SLC1A4: variants seen among roughly 807,000 people sequenced by gnomAD.
SLC1A4 encodes neutral amino acid transporter A.
SLC1A4 carries 19 observed loss-of-function variants against 37.7 expected under a neutral mutation model. The observed-to-expected ratio is 0.50, with a 90% CI of 0.35 to 0.74. The LOEUF is 0.74. SLC1A4 is among the 30% of genes least tolerant of loss of function. The pLI, the probability that SLC1A4 is intolerant of heterozygous loss-of-function variation, is 0.01. For synonymous variants in SLC1A4, 299 were observed against 309.8 expected (o/e 0.97, Z 0.37); for missense variants, 570 against 712.9 (o/e 0.80, Z 2.28).
At chr2:65,010,855 C>T (rs564329628) in intron 4 of SLC1A4, 92 bp downstream of exon 4, 1 of 1,288,726 alleles carries the variant, frequency 7.8e-7, no homozygotes, top group South Asian at 1.4e-5. Flanking sequence ...TGTGTGGGGC[C>T]ACCTGGCACA....
chr2:64,990,211 C>G (rs1047593923), intron 1 of SLC1A4, 41 bp downstream of exon 1: 2 of 1,503,906 alleles, frequency 1.3e-6, no homozygotes, highest in Non-Finnish European at 8.9e-7. Flanking sequence ...TGGGAGACGC[C>G]AGTTCTCGGA....
intron 4 of SLC1A4, among the ~76,000 whole-genome samples, chr2:65,012,062 C>T (rs940550714): frequency 6.6e-6 from 1 of 151,700 alleles, no homozygotes; most frequent in Non-Finnish European, 1.5e-5. Flanking sequence ...AGCCACTGCA[C>T]CCAGCCGCTT....
In SLC1A4 at chr2:65,018,786, C is replaced by T. The variant is rs1041145394; in HGVS notation, c.1364+107C>T. Reference sequence around the variant, plus strand: ...CAGAGAAACTTCAGACACACTCCAGCCTTGTGAAGGAGGCTACAGTGGAGC... The same window carrying T: ...CAGAGAAACTTCAGACACACTCCAGTCTTGTGAAGGAGGCTACAGTGGAGC... On this transcript the variant is annotated intron_variant, in intron 7 of 7. Coordinates refer to ENST00000234256, the MANE Select transcript of SLC1A4 (RefSeq NM_003038.5). The surrounding 1 kb of genome is among the most constrained non-coding windows in gnomAD (Gnocchi z 4.3). 2.0e-5 allele frequency: 27 copies of T among 1,335,106 alleles called. 1 individual carries two copies. In the East Asian group the frequency reaches 5.1e-4, roughly 25 times the overall value. 82.7% of individuals were successfully genotyped at this position (1,335,106 alleles called of 1,614,324 possible).
intron 1 of SLC1A4, chr2:65,000,389 ATGTAAC>A (rs1673413526): frequency 1.3e-5 from 2 of 152,246 alleles, no homozygotes; most frequent in African/African-American, 2.4e-5. Flanking sequence ...TATCAATATG[ATGTAAC>A]TGTAATATAC....
chr2:64,994,760 A>T (rs543743412), intron 1 of SLC1A4: 8 of 151,504 alleles, frequency 5.3e-5, no homozygotes, highest in Admixed American at 2.0e-4. Flanking sequence ...TTGCCTTGGC[A>T]GCACATATAC....
rs564833880 is a variant in SLC1A4, at chr2:64,998,029, T to C, written c.528-3419T>C. Among the ~76,000 whole-genome samples, 48 of 151,988 alleles carry C rather than the reference T, an allele frequency of 3.2e-4. No homozygotes were observed. In the East Asian group the frequency reaches 9.1e-3, roughly 29 times the overall value. Reference sequence around the variant, plus strand: ...GGGGCAGATCACGAGGTCAGGAGATTGAGATCATCCTGGCTAACATGGTGA... The same window carrying C: ...GGGGCAGATCACGAGGTCAGGAGATCGAGATCATCCTGGCTAACATGGTGA... On this transcript the variant is annotated intron_variant, in intron 1 of 7. Transcript: ENST00000234256.
At position 65,016,585 on chromosome 2, in the gene SLC1A4, ATTTAT is replaced by A; in HGVS notation, c.950_954del (p.Tyr317CysfsTer39). ...TCATGGAGGAATTGTTCTGCCACTTATTTATTTTGTTTTCACACGAAAAAACCCAT... is the reference window on the plus strand; with the variant it reads ...TCATGGAGGAATTGTTCTGCCACTTATTTGTTTTCACACGAAAAAACCCAT... On this transcript the variant is annotated frameshift_variant, in exon 5 of 8. Transcript: ENST00000234256. LOFTEE classifies it high-confidence loss of function. 1 of 1,614,064 alleles carries A rather than the reference ATTTAT, an allele frequency of 6.2e-7. No homozygotes were observed. Among genetic ancestry groups the A allele is most frequent in the Non-Finnish European group, 8.5e-7 (1 of 1,180,000 alleles).
At chr2:65,000,199 T>C (rs932283262) in intron 1 of SLC1A4, 4 of 152,228 alleles carry the variant, frequency 2.6e-5, no homozygotes, top group African/African-American at 9.6e-5. Context: ...TCAGCTGGAA[T>C]AGAATTTCTT....
intron 1 of SLC1A4, chr2:64,999,660 T>C (rs1471212120): frequency 6.6e-6 from 1 of 152,072 alleles, no homozygotes; most frequent in Admixed American, 6.6e-5. Context: ...GATTCACCTC[T>C]GAGGTCATGT....
rs1349802565 is a variant in SLC1A4, at chr2:65,023,163, T to C, written c.*2017T>C. ...ACTTTTCCCCGCTGGGTAGAGCATG[T>C]TGCTGATACTCTTCTGTTTTCAAGG... is the stretch of plus-strand genomic sequence containing the variant. On this transcript the variant is annotated 3_prime_UTR_variant, in exon 8 of 8. Coordinates refer to ENST00000234256, the MANE Select transcript of SLC1A4 (RefSeq NM_003038.5). The C allele has an allele frequency of 6.6e-6, 1 of 152,238 alleles. No homozygotes were observed. The highest frequency in any genetic ancestry group is 2.4e-5 in the African/African-American group (1 of 41,452). The allele number at this position is 152,238 out of a possible 1,614,324, so 9.4% of individuals were successfully genotyped here.
chr2:65,007,385 A>G (rs1217812880), intron 3 of SLC1A4, among the ~76,000 whole-genome samples: 2 of 152,066 alleles, frequency 1.3e-5, no homozygotes, highest in Admixed American at 6.5e-5. Context: ...AAAGTGATGT[A>G]GGCAGCAGGA....
intron 1 of SLC1A4, among the ~76,000 whole-genome samples, chr2:64,999,144 C>T (rs1673371555): frequency 6.6e-6 from 1 of 152,210 alleles, no homozygotes; most frequent in Admixed American, 6.5e-5. Flanking sequence ...TTCATCTATA[C>T]TCCGAAAACT....
At chr2:65,016,797 C>A in intron 5 of SLC1A4, 124 bp downstream of exon 5, 1 of 685,270 alleles carries the variant, frequency 1.5e-6, no homozygotes. Flanking sequence ...CTAAATCGGT[C>A]TTCTGTTATT....
intron 1 of SLC1A4, among the ~76,000 whole-genome samples, chr2:64,996,285 T>C (rs192100490): frequency 3.3e-5 from 5 of 152,250 alleles, no homozygotes; most frequent in Admixed American, 1.3e-4. Context: ...CTAATGTATT[T>C]CATCTTTTAT....
At position 65,006,701 on chromosome 2, in the gene SLC1A4, G is replaced by A. The variant is rs551367337; in HGVS notation, c.633+2686G>A. 7.2e-5 allele frequency among the ~76,000 whole-genome samples: 11 copies of A among 152,114 alleles called. No homozygotes were observed. In the South Asian group the frequency reaches 2.3e-3, roughly 32 times the overall value. ...CGCTTGTAATCTCAATGACTCAGAA[G>A]GCTGAGGTGGGAGGATTGCTTGAAG... On this transcript the variant is annotated intron_variant, in intron 3 of 7. Coordinates refer to ENST00000234256, the MANE Select transcript of SLC1A4 (RefSeq NM_003038.5).
At chr2:65,002,087 C>G (rs922798514) in intron 2 of SLC1A4, among the ~76,000 whole-genome samples, 1 of 152,114 alleles carries the variant, frequency 6.6e-6, no homozygotes. Context: ...CAAGACCAGC[C>G]TGGCCAACAC....
chr2:64,993,425 TGG>T (rs1278611563), intron 1 of SLC1A4, among the ~76,000 whole-genome samples: 4 of 152,198 alleles, frequency 2.6e-5, no homozygotes, highest in African/African-American at 9.7e-5. Flanking sequence ...CAGCACACAA[TGG>T]GTTAGAAATA....
intron 5 of SLC1A4, 147 bp from the exon 6 acceptor site, chr2:65,017,924 G>C (rs1674220847): frequency 3.1e-6 from 2 of 641,794 alleles, no homozygotes; most frequent in South Asian, 4.6e-5. Flanking sequence ...AAGTTTTAAA[G>C]TGATTCTGTT....
chr2:64,988,973 G>A (rs1672914712), upstream of SLC1A4, among the ~76,000 whole-genome samples: 1 of 152,038 alleles, frequency 6.6e-6, no homozygotes, highest in Non-Finnish European at 1.5e-5. Context: ...TCAGGAGGAG[G>A]AACGCCGCTG....
Sources: allele counts gnomAD v4.1 joint callset (sites outside exome capture counted in the v4.1 genomes callset), GRCh38; gene constraint gnomAD v4.1.1; non-coding constraint Gnocchi (gnomAD v3.1); transcripts MANE v1.5; gene names NCBI Gene and HGNC (gene_info 2026-07-23, HGNC 2026-07-21).